The following B4GALNT3 variants were observed in gnomAD, a reference collection of about 807,000 sequenced individuals.
B4GALNT3 encodes beta-1,4-N-acetyl-galactosaminyltransferase 3.
B4GALNT3 carries 86 observed loss-of-function variants against 120.2 expected under a neutral mutation model. The ratio of observed to expected loss-of-function variants is 0.72; its 90% CI spans 0.60 to 0.86. The LOEUF (loss-of-function observed/expected upper bound fraction) is 0.86. Among genes scored for constraint, B4GALNT3 ranks in the 40% least tolerant of loss-of-function variants. The pLI is 0.00. For synonymous variants in B4GALNT3, 518 were observed against 510.4 expected, an observed-to-expected ratio of 1.01 and a Z score of -0.20; for missense variants, 1,167 against 1,298.9, an observed-to-expected ratio of 0.90 and a Z score of 1.56.
intron 1 of B4GALNT3, among the ~76,000 whole-genome samples, chr12:506,568 C>A (rs1331334855): frequency 1.3e-5 from 2 of 152,112 alleles, no homozygotes; most frequent in African/African-American, 4.8e-5. Flanking sequence ...GTTTTCTATG[C>A]CTCTGTGATG....
chr12:524,321 T>A (rs889074565), intron 1 of B4GALNT3, among the ~76,000 whole-genome samples: 15 of 152,216 alleles, frequency 9.9e-5, no homozygotes, highest in Non-Finnish European at 1.8e-4. Flanking sequence ...CAAGTTATAA[T>A]CATCAGACCT....
chr12:502,626 G>A (rs539269958), intron 1 of B4GALNT3, among the ~76,000 whole-genome samples: 16 of 152,202 alleles, frequency 1.1e-4, no homozygotes, highest in African/African-American at 3.6e-4. Flanking sequence ...TGAAGCAAGG[G>A]AAGTTAAAAT....
At chr12:536,143 C>T in intron 2 of B4GALNT3, 75 bp from the exon 3 acceptor site, 1 of 1,249,762 alleles carries the variant, frequency 8.0e-7, no homozygotes, top group Admixed American at 1.7e-5. Context: ...TGGGAGCAGG[C>T]ACTGTGCCTC....
intron 1 of B4GALNT3, among the ~76,000 whole-genome samples, chr12:513,292 T>TA (rs1565599241): frequency 6.6e-6 from 1 of 152,230 alleles, no homozygotes; most frequent in Non-Finnish European, 1.5e-5. Context: ...GCAAATTTAT[T>TA]AAAAAAGTAA....
intron 15 of B4GALNT3, 151 bp downstream of exon 15, chr12:557,017 T>C (rs1267356642): frequency 3.5e-6 from 3 of 867,054 alleles, no homozygotes; most frequent in Non-Finnish European, 5.1e-6. Flanking sequence ...AAAAGGAAAG[T>C]CACTGGTTTA....
chr12:476,495 T>TTAA (rs1343224894), intron 1 of B4GALNT3, among the ~76,000 whole-genome samples: 2 of 152,084 alleles, frequency 1.3e-5, no homozygotes, highest in Non-Finnish European at 2.9e-5. Flanking sequence ...ATGCTAGTTA[T>TTAA]TAATACTTGG....
chr12:531,967 A>G lies in B4GALNT3; in HGVS notation c.170-3199A>G, dbSNP rs549839234. ...TACAATTAGATCTTTATTTTTTATT[A>G]TTTTTCTTTAAAAAAAAAAGGGAGG... On this transcript the variant is annotated intron_variant, in intron 1 of 19. Transcript: ENST00000266383. 5.4e-4 allele frequency among the ~76,000 whole-genome samples: 42 copies of G among 77,264 alleles called. 1 individual carries two copies. In the East Asian group the frequency reaches 0.019, roughly 35 times the overall value. 50.7% of individuals were successfully genotyped at this position (77,264 alleles called of 152,430 possible).
intron 6 of B4GALNT3, among the ~76,000 whole-genome samples, chr12:545,708 A>G (rs71435014): frequency 0.74 from 68,764 of 93,428 alleles, 24,503 homozygotes; most frequent in African/African-American, 0.88. Context: ...GGAGTGAGGA[A>G]TGGGGAGGAG....
At chr12:469,459 T>G (rs567817215) in intron 1 of B4GALNT3, among the ~76,000 whole-genome samples, 14 of 152,246 alleles carry the variant, frequency 9.2e-5, no homozygotes, top group Non-Finnish European at 1.6e-4. Flanking sequence ...TTCCAGTGCT[T>G]CTTAAACTTC....
intron 15 of B4GALNT3, among the ~76,000 whole-genome samples, chr12:557,277 G>A (rs556842440): frequency 3.3e-5 from 5 of 152,238 alleles, no homozygotes; most frequent in Admixed American, 2.0e-4. Flanking sequence ...GGGATAGGAC[G>A]ACGATACTAA....
intron 1 of B4GALNT3, among the ~76,000 whole-genome samples, chr12:482,911 C>T (rs1479712209): frequency 1.3e-5 from 2 of 152,100 alleles, no homozygotes; most frequent in African/African-American, 4.8e-5. Flanking sequence ...TTCTTCTTTT[C>T]TCTCTTTTTT....
chr12:471,261 T>G (rs1385270962), intron 1 of B4GALNT3, among the ~76,000 whole-genome samples: 1 of 151,426 alleles, frequency 6.6e-6, no homozygotes, highest in Non-Finnish European at 1.5e-5. Context: ...GGCACATGCC[T>G]GTAATCCAAG....
Position 511,482 on chromosome 12 carries a change from T to TCTTCCAC in B4GALNT3, c.170-23658_170-23652dup, listed in dbSNP as rs1285184433. Among the ~76,000 whole-genome samples the TCTTCCAC allele has an allele frequency of 1.8e-3, 117 of 66,194 alleles. 3 individuals are homozygous for TCTTCCAC. The highest frequency in any genetic ancestry group is 9.4e-3 in the African/African-American group (92 of 9,838). 43.4% of individuals were successfully genotyped at this position (66,194 alleles called of 152,430 possible). On this transcript the variant is annotated intron_variant, in intron 1 of 19. Coordinates refer to ENST00000266383, the MANE Select transcript of B4GALNT3 (RefSeq NM_173593.4). ...TTCCACCTTCCACCTTCTTCCACCTTCTTCCACCTTCCACCTTCCACCTTC... is the reference window on the plus strand; with the variant it reads ...TTCCACCTTCCACCTTCTTCCACCTTCTTCCACCTTCCACCTTCCACCTTCCACCTTC...
chr12:511,884 T>TCTTCCACCTTCCGCCTTC (rs1946574151), intron 1 of B4GALNT3, among the ~76,000 whole-genome samples: 1 of 14,624 alleles, frequency 6.8e-5, no homozygotes, highest in African/African-American at 4.1e-4. Flanking sequence ...CCTTCCACCT[T>TCTTCCACCTTCCGCCTTC]CTTCCACCTT....
intron 1 of B4GALNT3, among the ~76,000 whole-genome samples, chr12:532,750 G>A (rs1946820026): frequency 6.6e-6 from 1 of 152,174 alleles, no homozygotes; most frequent in African/African-American, 2.4e-5. Flanking sequence ...GTAAAAAAGA[G>A]TGCTCAGAGG....
At chr12:486,157 C>T (rs1204701535) in intron 1 of B4GALNT3, among the ~76,000 whole-genome samples, 4 of 151,656 alleles carry the variant, frequency 2.6e-5, no homozygotes, top group Non-Finnish European at 5.9e-5. Context: ...CTTCTACTTC[C>T]AGCAGGGGGA....
At chr12:482,301 C>T (rs1946249754) in intron 1 of B4GALNT3, among the ~76,000 whole-genome samples, 1 of 152,190 alleles carries the variant, frequency 6.6e-6, no homozygotes, top group African/African-American at 2.4e-5. Flanking sequence ...AGTGGCTTGC[C>T]ACAGTCCATG....
chr12:555,945 G>A (rs566819581), intron 14 of B4GALNT3, among the ~76,000 whole-genome samples: 3,965 of 151,026 alleles, frequency 0.026, 152 homozygotes, highest in African/African-American at 0.082. Context: ...CACCACACCT[G>A]GCTAATTTTT....
chr12:542,324 C>T (rs1481317053), intron 3 of B4GALNT3, among the ~76,000 whole-genome samples: 1 of 152,012 alleles, frequency 6.6e-6, no homozygotes. Context: ...ACCTCGGGCA[C>T]TCCTGTTGAG....
Sources: gnomAD v4.1 joint callset for allele counts (sites outside exome capture counted in the v4.1 genomes callset) on GRCh38, gnomAD v4.1.1 for gene constraint, MANE v1.5 for transcripts, NCBI Gene and HGNC (gene_info 2026-07-23, HGNC 2026-07-21) for gene names.